FMN1: variants seen among roughly 807,000 people sequenced by gnomAD.
FMN1 encodes the protein formin-1.
A neutral mutation model predicts 132.4 loss-of-function variants in FMN1; 110 were observed. The ratio of observed to expected loss-of-function variants is 0.83; its 90% CI spans 0.71 to 0.97. FMN1 has a LOEUF of 0.97. Among genes scored for constraint, FMN1 ranks in the 50% least tolerant of loss-of-function variants. The pLI, the probability that FMN1 is intolerant of heterozygous loss-of-function variation, is 0.00. For synonymous variants in FMN1, 722 were observed against 651.7 expected (o/e 1.11, Z -1.64); for missense variants, 1,792 against 1,705.3 (o/e 1.05, Z -0.90).
In FMN1 at chr15:33,065,057, A is replaced by G. The variant is rs2037659264; in HGVS notation, c.2061T>C (p.Thr687=). The stretch of plus-strand genomic sequence containing the variant: ...TGCCAGGAGTCCTGTCATCCTGCTC[A>G]GTCAGGCTGTGGTCAGGCTGTTGAA... ...YLDLHPDHSL[T]EQDDRTPGRL... is the part of the protein sequence containing the mutation. The change falls in exon 6 of 21, where the codon ACT becomes ACC. Residue 687 remains threonine (T), a synonymous_variant. Transcript: ENST00000616417. 3 of 1,610,226 alleles carry G rather than the reference A, an allele frequency of 1.9e-6. No homozygotes were observed. Among genetic ancestry groups the G allele is most frequent in the Non-Finnish European group, 2.5e-6 (3 of 1,178,144 alleles).
intron 6 of FMN1, among the ~76,000 whole-genome samples, chr15:33,019,027 G>T (rs769683614): frequency 3.9e-5 from 6 of 152,208 alleles, no homozygotes; most frequent in African/African-American, 1.4e-4. Context: ...CTTCCACCAT[G>T]CGGAAGAGGA....
rs904934171 is a variant in FMN1 at position 32,845,399 on chromosome 15, G to C, written c.3928+11616C>G. Among the ~76,000 whole-genome samples the C allele has an allele frequency of 3.3e-5, 5 of 152,224 alleles. No homozygotes were observed. In the South Asian group the frequency reaches 1.0e-3, roughly 32 times the overall value. ...GGACCTCTATTAAGACCTCAGAAAAGGAATCTTTGAGGTTAAGCTGTTACC... is the reference window on the plus strand; with the variant it reads ...GGACCTCTATTAAGACCTCAGAAAACGAATCTTTGAGGTTAAGCTGTTACC... On this transcript the variant is annotated intron_variant, in intron 17 of 20. Transcript: ENST00000616417.
chr15:32,991,554 T>C (rs1484798612), intron 7 of FMN1, among the ~76,000 whole-genome samples: 1 of 152,172 alleles, frequency 6.6e-6, no homozygotes, highest in East Asian at 1.9e-4. Context: ...CCTCGTGTTC[T>C]TTCTCCTCTG....
At chr15:32,992,516 A>T (rs2033495593) in intron 7 of FMN1, among the ~76,000 whole-genome samples, 1 of 152,226 alleles carries the variant, frequency 6.6e-6, no homozygotes, top group Admixed American at 6.5e-5. Context: ...TTTATTCATC[A>T]ATGGCAGATT....
At chr15:32,902,105 G>A in intron 12 of FMN1, 65 bp from the exon 13 acceptor site, 1 of 1,415,718 alleles carries the variant, frequency 7.1e-7, no homozygotes, top group Non-Finnish European at 9.7e-7. Flanking sequence ...AAAGACAGCT[G>A]AAAAAGACCC....
At chr15:33,067,851 C>T in intron 5 of FMN1, 1 of 1,612,798 alleles carries the variant, frequency 6.2e-7, no homozygotes, top group African/African-American at 1.3e-5. Context: ...TCTGACACAT[C>T]ACTGCCATCC....
At chr15:32,962,993 GTA>G (rs2030759462) in intron 9 of FMN1, among the ~76,000 whole-genome samples, 1 of 139,660 alleles carries the variant, frequency 7.2e-6, no homozygotes, top group Non-Finnish European at 1.5e-5. Flanking sequence ...CCATTACTGG[GTA>G]TATACCCAAA....
chr15:33,044,529 A>T (rs981445961), intron 6 of FMN1, among the ~76,000 whole-genome samples: 1 of 152,178 alleles, frequency 6.6e-6, no homozygotes, highest in Admixed American at 6.5e-5. Flanking sequence ...TACCCACCAA[A>T]GGGTCTCCTC....
chr15:32,957,295 GTTC>G (rs1330315967), intron 9 of FMN1, among the ~76,000 whole-genome samples: 1 of 74,104 alleles, frequency 1.3e-5, no homozygotes, highest in Non-Finnish European at 2.9e-5. Flanking sequence ...TATCAGAGCA[GTTC>G]TTTTTTTTTT....
At chr15:32,867,321 G>A (rs1194453866) in intron 16 of FMN1, among the ~76,000 whole-genome samples, 5 of 152,186 alleles carry the variant, frequency 3.3e-5, no homozygotes, top group Non-Finnish European at 5.9e-5. Flanking sequence ...CATGCGCTAC[G>A]TCTTGCCTGC....
chr15:33,139,074 G>A (rs11072253), intron 4 of FMN1, among the ~76,000 whole-genome samples: 4 of 152,112 alleles, frequency 2.6e-5, no homozygotes, highest in East Asian at 1.9e-4. Flanking sequence ...ATTATGACAC[G>A]TAACAGACTA....
chr15:32,800,208 T>C lies in FMN1; in HGVS notation c.3981-1255A>G, dbSNP rs576557133. On this transcript the variant is annotated intron_variant, in intron 18 of 20. Coordinates refer to ENST00000616417, the MANE Select transcript of FMN1 (RefSeq NM_001277313.2). ...GCTGGAGCTGCAGCTCTGAGTCCCA[T>C]AAATTCTTTGTGCTTCTGTAAAGAA... Among the ~76,000 whole-genome samples, 28 of 152,370 alleles carry C rather than the reference T, an allele frequency of 1.8e-4. 1 individual carries two copies. In the South Asian group the frequency reaches 5.8e-3, roughly 32 times the overall value.
At chr15:33,184,793 C>T (rs1042451143) in intron 2 of FMN1, among the ~76,000 whole-genome samples, 9 of 152,128 alleles carry the variant, frequency 5.9e-5, no homozygotes, top group South Asian at 2.1e-4. Context: ...TAAGAACCAC[C>T]GCGCCCAGCT....
At chr15:33,144,513 T>G (rs1025884810) in intron 4 of FMN1, among the ~76,000 whole-genome samples, 1 of 151,626 alleles carries the variant, frequency 6.6e-6, no homozygotes, top group Non-Finnish European at 1.5e-5. Flanking sequence ...GGCAGGTGCC[T>G]GTAGTCCCAG....
chr15:32,982,385 T>C (rs865941575), intron 7 of FMN1, among the ~76,000 whole-genome samples: 17 of 152,278 alleles, frequency 1.1e-4, no homozygotes, highest in African/African-American at 4.1e-4. Flanking sequence ...ACACACACTT[T>C]CCATATCAAC....
intron 7 of FMN1, among the ~76,000 whole-genome samples, chr15:32,980,522 A>T (rs1373959527): frequency 6.6e-6 from 1 of 152,210 alleles, no homozygotes; most frequent in Non-Finnish European, 1.5e-5. Flanking sequence ...TGTGATTTTT[A>T]AAACTGTACA....
intron 17 of FMN1, among the ~76,000 whole-genome samples, chr15:32,844,450 TTAAAATATGTAAA>T (rs1274119899): frequency 1.3e-5 from 2 of 152,210 alleles, no homozygotes; most frequent in Non-Finnish European, 2.9e-5. Context: ...TAATTATACT[TTAAAATATGTAAA>T]ATATTTTAAT....
chr15:33,091,534 T>C (rs753652037), intron 4 of FMN1, among the ~76,000 whole-genome samples: 6 of 152,158 alleles, frequency 3.9e-5, no homozygotes, highest in Non-Finnish European at 7.3e-5. Context: ...CATAATAATT[T>C]TGGCAAGAAT....
In FMN1 at chr15:32,848,781, T is replaced by C. The variant is rs76615531; in HGVS notation, c.3928+8234A>G. Reference sequence around the variant, plus strand: ...TCACTGGTTAAAACACCCAAATTTATAACAAATCTGCATACGCCTATGAAC... The same window carrying C: ...TCACTGGTTAAAACACCCAAATTTACAACAAATCTGCATACGCCTATGAAC... On this transcript the variant is annotated intron_variant, in intron 17 of 20. Coordinates refer to ENST00000616417, the MANE Select transcript of FMN1 (RefSeq NM_001277313.2). 2.0e-3 allele frequency among the ~76,000 whole-genome samples: 301 copies of C among 152,302 alleles called. 1 individual carries two copies. Among genetic ancestry groups the C allele is most frequent in the African/African-American group, 7.0e-3 (290 of 41,556 alleles).
Sources: allele counts gnomAD v4.1 joint callset (sites outside exome capture counted in the v4.1 genomes callset), GRCh38; gene constraint gnomAD v4.1.1; transcripts MANE v1.5; gene names NCBI Gene and HGNC (gene_info 2026-07-23, HGNC 2026-07-21).